PRMT2: variants seen among roughly 807,000 people sequenced by gnomAD.
PRMT2 encodes protein arginine methyltransferase 2.
Under a neutral mutation model 57.6 loss-of-function variants are expected in PRMT2, and 26 were observed. The ratio of observed to expected loss-of-function variants is 0.45; its 90% CI spans 0.33 to 0.63. The LOEUF (loss-of-function observed/expected upper bound fraction) is 0.63, where lower values mean the gene tolerates loss of function less well. Among genes scored for constraint, PRMT2 ranks in the 20% least tolerant of loss-of-function variants. PRMT2 has a pLI of 0.02. For missense variants in PRMT2, 472 were observed against 564.4 expected (o/e 0.84, Z 1.66); for synonymous variants, 219 against 220.0 (o/e 1.00, Z 0.04).
rs1214339773 is a variant in PRMT2 at position 46,664,555 on chromosome 21, T to C, written c.*228T>C. 1 of 600,478 alleles carries C rather than the reference T, an allele frequency of 1.7e-6. No individual in the cohort carries two copies. Among genetic ancestry groups the C allele is most frequent in the East Asian group, 2.8e-5 (1 of 35,478 alleles). 37.2% of individuals were successfully genotyped at this position (600,478 alleles called of 1,614,324 possible). On this transcript the variant is annotated 3_prime_UTR_variant, in exon 12 of 12. Coordinates refer to ENST00000355680, the MANE Select transcript of PRMT2 (RefSeq NM_206962.4). ...CCCCCGCTGCCCAGTGTCTGCCCTC[T>C]AGAAGTAGGCTGTGTTTCCAGGTGT...
intron 8 of PRMT2, chr21:46,660,057 C>A: frequency 3.1e-6 from 3 of 981,968 alleles, no homozygotes; most frequent in Non-Finnish European, 2.4e-6. Context: ...TCCATAGTTT[C>A]CAATTTTTAA....
chr21:46,659,178 G>A lies in PRMT2; in HGVS notation c.830+258G>A. 3 of 1,213,494 alleles carry A rather than the reference G, an allele frequency of 2.5e-6. No homozygotes were observed. In the South Asian group the frequency reaches 7.5e-5, roughly 31 times the overall value. The allele number at this position is 1,213,494 out of a possible 1,614,324, so 75.2% of individuals were successfully genotyped here. On this transcript the variant is annotated intron_variant, in intron 8 of 11. Transcript: ENST00000355680. ...AAAAAGGTGGCATTACGATTAGGAG[G>A]GAGTGAGGGCCAAGTCAGCAAATTA...
intron 7 of PRMT2, chr21:46,654,048 G>C: frequency 1.0e-6 from 1 of 987,692 alleles, no homozygotes; most frequent in Non-Finnish European, 1.2e-6. Context: ...GGGGGAGGAG[G>C]AAGGAGGAGG....
intron 7 of PRMT2, chr21:46,654,054 G>A (rs1049456660): frequency 3.0e-6 from 3 of 988,680 alleles, no homozygotes; most frequent in Non-Finnish European, 3.6e-6. Context: ...GGAGGAAGGA[G>A]GAGGAGCTGG....
chr21:46,648,332 C>A lies in PRMT2; in HGVS notation c.328-126C>A. ...TGGTTGACAGTGATGTCCAGGCCTT[C>A]CATAGTCTTCCATAGGGGTGTTGGG... On this transcript the variant is annotated intron_variant, in intron 5 of 11. Coordinates refer to ENST00000355680, the MANE Select transcript of PRMT2 (RefSeq NM_206962.4). The surrounding 1 kb of genome is among the most constrained non-coding windows in gnomAD (Gnocchi z 4.8). The A allele has an allele frequency of 1.1e-6, 1 of 938,600 alleles. No homozygotes were observed. The highest frequency in any genetic ancestry group is 1.6e-6 in the Non-Finnish European group (1 of 629,764). The allele number at this position is 938,600 out of a possible 1,614,324, so 58.1% of individuals were successfully genotyped here.
At position 46,664,463 on chromosome 21, in the gene PRMT2, C is replaced by G; in HGVS notation, c.*136C>G. On this transcript the variant is annotated 3_prime_UTR_variant, in exon 12 of 12. Coordinates refer to ENST00000355680, the MANE Select transcript of PRMT2 (RefSeq NM_206962.4). ...CACTCCACATTGACCCCTCCCTAGC[C>G]TGGCAGGTGACGTCAGGGTCCTTCA... is the stretch of plus-strand genomic sequence containing the variant. 1.7e-6 allele frequency: 2 copies of G among 1,171,944 alleles called. No individual in the cohort carries two copies. Among genetic ancestry groups the G allele is most frequent in the Non-Finnish European group, 1.3e-6 (1 of 797,640 alleles). 72.6% of individuals were successfully genotyped at this position (1,171,944 alleles called of 1,614,324 possible).
At chr21:46,651,812 C>T (rs2061459086) in intron 7 of PRMT2, 2 of 1,612,976 alleles carry the variant, frequency 1.2e-6, no homozygotes, top group Admixed American at 1.7e-5. Context: ...CCAGGCTGCG[C>T]CTCTCCTGAG....
rs2061223925 is a variant in PRMT2 at position 46,639,074 on chromosome 21, T to C, written c.39+2084T>C. On this transcript the variant is annotated intron_variant, in intron 3 of 11. Transcript: ENST00000355680. ...AAATGCATTTTCATTCTTCAAAATATTTTCTAATATATTCAATGGAAATTA... is the reference window on the plus strand; with the variant it reads ...AAATGCATTTTCATTCTTCAAAATACTTTCTAATATATTCAATGGAAATTA... 2.6e-5 allele frequency among the ~76,000 whole-genome samples: 4 copies of C among 152,330 alleles called. No individual in the cohort carries two copies. The South Asian group carries it at 8.3e-4, about 32-fold the overall frequency.
chr21:46,652,577 T>C, intron 7 of PRMT2: 1 of 985,446 alleles, frequency 1.0e-6, no homozygotes. Context: ...AATCCTCTAA[T>C]ATCTGATGCT....
intron 5 of PRMT2, among the ~76,000 whole-genome samples, chr21:46,646,249 A>G (rs1203680578): frequency 6.6e-6 from 1 of 152,210 alleles, no homozygotes; most frequent in Non-Finnish European, 1.5e-5. Flanking sequence ...ACTTTTTCGC[A>G]GGTATGCCAT....
chr21:46,662,197 G>A (rs1240805340), intron 10 of PRMT2, among the ~76,000 whole-genome samples: 3 of 152,162 alleles, frequency 2.0e-5, no homozygotes, highest in Non-Finnish European at 4.4e-5. Context: ...CAGCCCCAAC[G>A]GGAGGAGCTC....
In PRMT2 at chr21:46,648,660, G is replaced by T; in HGVS notation, c.489+41G>T. Reference sequence around the variant, plus strand: ...AGCGCATCCCGGGTGTTTGTGCCGAGGCTGGTGACGTCCGAGGTGGCCTCT... The same window carrying T: ...AGCGCATCCCGGGTGTTTGTGCCGATGCTGGTGACGTCCGAGGTGGCCTCT... On this transcript the variant is annotated intron_variant, in intron 6 of 11. Transcript: ENST00000355680. This position sits in a 1 kb window ranked among gnomAD's most constrained non-coding sequence, Gnocchi z 4.8. 1.2e-6 allele frequency: 2 copies of T among 1,601,252 alleles called. No homozygotes were observed. The highest frequency in any genetic ancestry group is 8.5e-7 in the Non-Finnish European group (1 of 1,170,558).
chr21:46,646,028 G>A (rs1322147425), intron 5 of PRMT2, among the ~76,000 whole-genome samples: 1 of 152,178 alleles, frequency 6.6e-6, no homozygotes, highest in African/African-American at 2.4e-5. Flanking sequence ...GGTACTGTTT[G>A]TGAGTGTGCA....
At chr21:46,646,325 A>C (rs759301138) in intron 5 of PRMT2, among the ~76,000 whole-genome samples, 1 of 152,262 alleles carries the variant, frequency 6.6e-6, no homozygotes, top group Non-Finnish European at 1.5e-5. Flanking sequence ...CTATCCGTTA[A>C]GGAAAGATAC....
Position 46,664,762 on chromosome 21 carries a change from C to T in PRMT2, c.*435C>T, listed in dbSNP as rs1017743035. 3.5e-5 allele frequency: 8 copies of T among 229,768 alleles called. No individual in the cohort carries two copies. The highest frequency in any genetic ancestry group is 1.5e-4 in the Admixed American group (3 of 20,274). 14.2% of individuals were successfully genotyped at this position (229,768 alleles called of 1,614,324 possible). ...CCGTCGCTCATCCACTCGTGTGGGACGTAGGATTGCACAGGGCTGTGCCAG... is the reference window on the plus strand; with the variant it reads ...CCGTCGCTCATCCACTCGTGTGGGATGTAGGATTGCACAGGGCTGTGCCAG... On this transcript the variant is annotated 3_prime_UTR_variant, in exon 12 of 12. Coordinates refer to ENST00000355680, the MANE Select transcript of PRMT2 (RefSeq NM_206962.4).
chr21:46,644,124 T>C (rs2061325669), intron 4 of PRMT2, among the ~76,000 whole-genome samples, 182 bp from the exon 5 acceptor site: 1 of 152,190 alleles, frequency 6.6e-6, no homozygotes, highest in Non-Finnish European at 1.5e-5. Context: ...TTCAGGTAGA[T>C]GTTCCAGAGG....
At chr21:46,639,706 G>T (rs557720932) in intron 3 of PRMT2, among the ~76,000 whole-genome samples, 134 of 148,614 alleles carry the variant, frequency 9.0e-4, no homozygotes, top group African/African-American at 3.3e-3. Flanking sequence ...GTGTGTGTGT[G>T]TTTGTGTGTG....
rs745656902 is a variant in PRMT2 at position 46,663,439 on chromosome 21, C to A, written c.1154C>A (p.Thr385Lys). 1 of 1,614,206 alleles carries A rather than the reference C, an allele frequency of 6.2e-7. No individual in the cohort carries two copies. Among genetic ancestry groups the A allele is most frequent in the African/African-American group, 1.3e-5 (1 of 75,058 alleles). ...ATGGACGACCCAGTCCCTGTCCATA[C>A]AGGAGACGTGGTCACGGGTTCAGTT... Reference protein sequence around the residue: ...FMMDDPVPVHTGDVVTGSVVL... With the variant: ...FMMDDPVPVHKGDVVTGSVVL... The change falls in exon 11 of 12, where the codon ACA becomes AAA. Residue 385 changes from threonine to lysine, a missense_variant. Thr to Lys is a moderately conservative substitution (Grantham distance 78). Transcript: ENST00000355680.
At chr21:46,650,038 G>C (rs1445388149) in intron 7 of PRMT2, 1 of 1,310,486 alleles carries the variant, frequency 7.6e-7, no homozygotes. Flanking sequence ...AACAGGTAAG[G>C]CTGTTTCTTT....
Sources: allele counts gnomAD v4.1 joint callset (sites outside exome capture counted in the v4.1 genomes callset), GRCh38; gene constraint gnomAD v4.1.1; non-coding constraint Gnocchi (gnomAD v3.1); transcripts MANE v1.5; gene names NCBI Gene and HGNC (gene_info 2026-07-23, HGNC 2026-07-21).